PTPRG: variants seen among roughly 807,000 people sequenced by gnomAD.
PTPRG encodes the protein receptor-type tyrosine-protein phosphatase gamma.
A neutral mutation model predicts 165.3 loss-of-function variants in PTPRG; 102 were observed. That is an observed-to-expected ratio of 0.62 (90% confidence interval 0.53 to 0.73). The LOEUF is 0.73. PTPRG is among the 30% of genes least tolerant of loss of function. PTPRG has a pLI of 0.00. For synonymous variants in PTPRG, 675 were observed against 669.5 expected (o/e 1.01, Z -0.13); for missense variants, 1,866 against 1,861.4 (o/e 1.00, Z -0.05).
At chr3:61,691,547 A>G (rs2030215505) in intron 1 of PTPRG, among the ~76,000 whole-genome samples, 2 of 152,234 alleles carry the variant, frequency 1.3e-5, no homozygotes, top group South Asian at 4.1e-4. Context: ...TAGAAAAATG[A>G]CTAAAATGGT....
intron 4 of PTPRG, among the ~76,000 whole-genome samples, chr3:62,057,647 C>G (rs1309971275): frequency 3.3e-5 from 5 of 152,184 alleles, no homozygotes; most frequent in Non-Finnish European, 7.3e-5. Flanking sequence ...GTGCCCTGGA[C>G]AGGTTTGCAG....
At chr3:61,858,149 G>A (rs1411088439) in intron 2 of PTPRG, among the ~76,000 whole-genome samples, 1 of 152,160 alleles carries the variant, frequency 6.6e-6, no homozygotes, top group Non-Finnish European at 1.5e-5. Flanking sequence ...AAAGCATGAA[G>A]GAAAACAAAT....
chr3:62,095,278 C>T (rs1363342551), intron 5 of PTPRG, among the ~76,000 whole-genome samples: 3 of 152,188 alleles, frequency 2.0e-5, no homozygotes, highest in African/African-American at 7.2e-5. Flanking sequence ...CTGCATCCCC[C>T]ATGTGACCTT....
intron 2 of PTPRG, among the ~76,000 whole-genome samples, chr3:61,925,600 G>C (rs1289930420): frequency 2.0e-5 from 3 of 151,980 alleles, no homozygotes; most frequent in African/African-American, 7.3e-5. Context: ...AAAATTAGCC[G>C]GGCCTGGTGG....
rs57670191 is a variant in PTPRG at position 61,568,636 on chromosome 3, A to G, written c.85+6264A>G. On this transcript the variant is annotated intron_variant, in intron 1 of 29. Coordinates refer to ENST00000474889, the MANE Select transcript of PTPRG (RefSeq NM_002841.4). ...AAAAAAATTTTTTTTTTGGCCTGGC[A>G]TGGTGGCTCATGCCTGTAATTCCAG... 7.3e-3 allele frequency among the ~76,000 whole-genome samples: 1,118 copies of G among 152,132 alleles called. 16 individuals are homozygous for G. Among genetic ancestry groups the G allele is most frequent in the African/African-American group, 0.026 (1,064 of 41,506 alleles).
chr3:61,892,661 A>G (rs1418748687), intron 2 of PTPRG, among the ~76,000 whole-genome samples: 2 of 152,112 alleles, frequency 1.3e-5, no homozygotes, highest in Admixed American at 1.3e-4. Context: ...TACTAAAAAT[A>G]CAAAATTAGC....
chr3:61,799,440 ATCTAGTCATCATG>A (rs1285753224), intron 2 of PTPRG, among the ~76,000 whole-genome samples: 1 of 152,104 alleles, frequency 6.6e-6, no homozygotes, highest in East Asian at 1.9e-4. Context: ...GCCACATTGC[ATCTAGTCATCATG>A]TCTCTTTAGG....
intron 15 of PTPRG, among the ~76,000 whole-genome samples, chr3:62,248,740 A>G (rs1701346442): frequency 6.6e-6 from 1 of 152,236 alleles, no homozygotes; most frequent in Admixed American, 6.5e-5. Flanking sequence ...GTCAGACACA[A>G]ATGTCCTAAC....
intron 4 of PTPRG, among the ~76,000 whole-genome samples, chr3:62,011,759 C>T (rs146176180): frequency 1.3e-5 from 2 of 152,124 alleles, no homozygotes; most frequent in African/African-American, 2.4e-5. Context: ...GCAAAGCAAG[C>T]GTGCAAGTTT....
At chr3:62,230,202 G>A (rs1700862566) in intron 13 of PTPRG, among the ~76,000 whole-genome samples, 1 of 152,138 alleles carries the variant, frequency 6.6e-6, no homozygotes, top group African/African-American at 2.4e-5. Flanking sequence ...ACCCAATATG[G>A]AGTCTAATAA....
intron 1 of PTPRG, among the ~76,000 whole-genome samples, chr3:61,661,615 TG>T (rs1220981539): frequency 6.6e-6 from 1 of 152,258 alleles, no homozygotes; most frequent in Admixed American, 6.5e-5. Context: ...ATTTCATTTT[TG>T]TATATAAATT....
At chr3:62,262,405 CA>C in intron 16 of PTPRG, 1 of 154,890 alleles carries the variant, frequency 6.5e-6, no homozygotes, top group African/African-American at 2.4e-5. Context: ...TAAATTTTTT[CA>C]CCTGTCTAAA....
chr3:62,145,387 A>G (rs143043287), intron 6 of PTPRG, among the ~76,000 whole-genome samples: 2 of 152,246 alleles, frequency 1.3e-5, no homozygotes, highest in East Asian at 1.9e-4. Flanking sequence ...CATCATCATT[A>G]TTGTTACTTG....
At chr3:61,655,408 T>C (rs1162138824) in intron 1 of PTPRG, among the ~76,000 whole-genome samples, 1 of 152,198 alleles carries the variant, frequency 6.6e-6, no homozygotes, top group Non-Finnish European at 1.5e-5. Context: ...TTTCACTTAT[T>C]CTTTTATCAT....
chr3:61,999,031 C>T (rs765935292), intron 3 of PTPRG, among the ~76,000 whole-genome samples: 3 of 152,138 alleles, frequency 2.0e-5, no homozygotes, highest in Non-Finnish European at 4.4e-5. Flanking sequence ...GAAGGGAAGG[C>T]AGCTGGCTGG....
chr3:62,292,355 A>G, intron 28 of PTPRG, 66 bp from the exon 29 acceptor site: 31 of 1,434,306 alleles, frequency 2.2e-5, no homozygotes, highest in Non-Finnish European at 2.7e-5. Context: ...CATGACAGTA[A>G]TTTCATTTCA....
intron 2 of PTPRG, among the ~76,000 whole-genome samples, chr3:61,972,223 T>G (rs1481456723): frequency 2.0e-5 from 3 of 152,140 alleles, no homozygotes; most frequent in Non-Finnish European, 4.4e-5. Context: ...AGCAGAAAAA[T>G]GCTGATCATG....
rs141090076 is a variant in PTPRG, at chr3:62,000,010, C to G, written c.371-3339C>G. Among the ~76,000 whole-genome samples the G allele has an allele frequency of 3.1e-3, 467 of 152,254 alleles. 1 individual carries two copies. Among genetic ancestry groups the G allele is most frequent in the Middle Eastern group, 0.014 (4 of 294 alleles). On this transcript the variant is annotated intron_variant, in intron 3 of 29. Transcript: ENST00000474889. Reference sequence around the variant, plus strand: ...CTACTCAATACTTAAGATCTCCCCCCCAGGCCCGGGCTGGGCACAGTGACT... The same window carrying G: ...CTACTCAATACTTAAGATCTCCCCCGCAGGCCCGGGCTGGGCACAGTGACT...
At chr3:62,265,483 G>C (rs188168636) in intron 17 of PTPRG, among the ~76,000 whole-genome samples, 2 of 152,034 alleles carry the variant, frequency 1.3e-5, no homozygotes, top group African/African-American at 4.8e-5. Flanking sequence ...TGCTGAATCC[G>C]TCTTTTCTAG....
Sources: allele counts gnomAD v4.1 joint callset (sites outside exome capture counted in the v4.1 genomes callset), GRCh38; gene constraint gnomAD v4.1.1; transcripts MANE v1.5; gene names NCBI Gene and HGNC (gene_info 2026-07-23, HGNC 2026-07-21).